CTNNA1: variants seen among roughly 807,000 people sequenced by gnomAD.
CTNNA1 encodes the protein catenin alpha-1.
A neutral mutation model predicts 98.4 loss-of-function variants in CTNNA1; 37 were observed. That is an observed-to-expected ratio of 0.38 (90% CI 0.29 to 0.49). The LOEUF is 0.49. Among genes scored for constraint, CTNNA1 ranks in the 20% least tolerant of loss-of-function variants. CTNNA1 has a pLI of 0.95. For synonymous variants in CTNNA1, 404 were observed against 413.2 expected, an observed-to-expected ratio of 0.98 and a Z score of 0.27; for missense variants, 761 against 1,147.2, an observed-to-expected ratio of 0.66 and a Z score of 4.86.
At chr5:138,802,401 T>C (rs983231691) in intron 3 of CTNNA1, among the ~76,000 whole-genome samples, 25 of 152,294 alleles carry the variant, frequency 1.6e-4, no homozygotes, top group Non-Finnish European at 3.2e-4. Flanking sequence ...AGGAAACTCC[T>C]GGGCTCAATC....
intron 3 of CTNNA1, among the ~76,000 whole-genome samples, chr5:138,786,933 T>C (rs1342402082): frequency 6.6e-6 from 1 of 152,236 alleles, no homozygotes; most frequent in Non-Finnish European, 1.5e-5. Context: ...CTGGCTTCAG[T>C]GGTCCTGAGC....
intron 9 of CTNNA1, among the ~76,000 whole-genome samples, chr5:138,888,343 A>G (rs944451743): frequency 1.1e-4 from 17 of 152,166 alleles, no homozygotes; most frequent in Admixed American, 4.6e-4. Flanking sequence ...TTATTGCTGT[A>G]TTTTGGAAAT....
chr5:138,782,518 ATTG>A, intron 2 of CTNNA1: 1 of 267,796 alleles, frequency 3.7e-6, no homozygotes, highest in Non-Finnish European at 7.5e-6. Context: ...TAGTATGTCT[ATTG>A]TTTGTATGTG....
At chr5:138,809,318 C>T (rs1758430914) in intron 3 of CTNNA1, among the ~76,000 whole-genome samples, 1 of 152,120 alleles carries the variant, frequency 6.6e-6, no homozygotes, top group Non-Finnish European at 1.5e-5. Context: ...GTGTGTAACC[C>T]AATGATAACT....
chr5:138,845,992 T>C lies in CTNNA1; in HGVS notation c.1062+18274T>C, dbSNP rs536596795. On this transcript the variant is annotated intron_variant, in intron 7 of 17. Coordinates refer to ENST00000302763, the MANE Select transcript of CTNNA1 (RefSeq NM_001903.5). ...CCCAGGCTGGAGTGAAGTGGCGCGA[T>C]CACGGCTCACTGCAACCTCCGCCCC... 1.3e-4 allele frequency among the ~76,000 whole-genome samples: 20 copies of C among 152,232 alleles called. 1 individual carries two copies.
chr5:138,813,511 G>C (rs1268449426), intron 5 of CTNNA1, among the ~76,000 whole-genome samples: 1 of 152,236 alleles, frequency 6.6e-6, no homozygotes, highest in African/African-American at 2.4e-5. Context: ...AGGTCTGACA[G>C]GTAGTAGAAA....
chr5:138,926,005 C>G, intron 13 of CTNNA1, among the ~76,000 whole-genome samples: 1 of 152,188 alleles, frequency 6.6e-6, no homozygotes, highest in African/African-American at 2.4e-5. Context: ...GACAACTATT[C>G]CTGTCTTCAT....
At chr5:138,931,962 A>C in intron 16 of CTNNA1, 2 of 985,390 alleles carry the variant, frequency 2.0e-6, no homozygotes, top group African/African-American at 3.5e-5. Context: ...GGGAGCCTCT[A>C]AAACTCTGAG....
chr5:138,925,407 GGTGA>G lies in CTNNA1; in HGVS notation c.1899+3_1899+6del, dbSNP rs1392801218. The G allele has an allele frequency of 6.2e-7, 1 of 1,613,476 alleles. No individual in the cohort carries two copies. The highest frequency in any genetic ancestry group is 1.1e-5 in the South Asian group (1 of 90,960). On this transcript the variant is annotated splice_donor_variant and splice_donor_region_variant and intron_variant, in intron 13 of 17. Coordinates refer to ENST00000302763, the MANE Select transcript of CTNNA1 (RefSeq NM_001903.5). LOFTEE classifies it high-confidence loss of function. ...TCAGGAAAGCAGTGCTGATGATAAG[GGTGA>G]GTAACTGCATTTCAGACGTCTTAAC...
intron 3 of CTNNA1, among the ~76,000 whole-genome samples, chr5:138,784,668 A>G (rs770716137): frequency 9.2e-5 from 14 of 152,202 alleles, no homozygotes; most frequent in Non-Finnish European, 1.5e-4. Flanking sequence ...TTATTCTCTC[A>G]TCATTCTGAA....
intron 1 of CTNNA1, among the ~76,000 whole-genome samples, chr5:138,762,419 A>G (rs1366368192): frequency 6.6e-6 from 1 of 152,136 alleles, no homozygotes; most frequent in Non-Finnish European, 1.5e-5. Flanking sequence ...AAAGAACCAC[A>G]CTTCAAAAAT....
chr5:138,865,965 CAA>C (rs1017174771), intron 7 of CTNNA1, among the ~76,000 whole-genome samples: 1 of 152,138 alleles, frequency 6.6e-6, no homozygotes, highest in Non-Finnish European at 1.5e-5. Flanking sequence ...TTGTTCATCA[CAA>C]GAGGAAATTT....
At chr5:138,924,476 T>A (rs28363471) in intron 11 of CTNNA1, 34 bp from the exon 12 acceptor site, 1 of 1,609,582 alleles carries the variant, frequency 6.2e-7, no homozygotes, top group Admixed American at 1.7e-5. Context: ...ATAGAAAGCC[T>A]CCTTCCTCAT....
intron 1 of CTNNA1, among the ~76,000 whole-genome samples, chr5:138,758,524 A>G (rs111371712): frequency 0.023 from 3,480 of 152,098 alleles, 134 homozygotes; most frequent in African/African-American, 0.081. Context: ...CTACAGGCAC[A>G]TGCCACCACG....
At chr5:138,837,311 AG>A (rs1410677063) in intron 7 of CTNNA1, among the ~76,000 whole-genome samples, 1 of 152,168 alleles carries the variant, frequency 6.6e-6, no homozygotes, top group African/African-American at 2.4e-5. Flanking sequence ...CATGTGGTCT[AG>A]GGGTTGACAA....
At chr5:138,830,831 A>G (rs936417807) in intron 7 of CTNNA1, among the ~76,000 whole-genome samples, 1 of 152,232 alleles carries the variant, frequency 6.6e-6, no homozygotes, top group Non-Finnish European at 1.5e-5. Context: ...GTGTCATCAT[A>G]GGTACAGCCA....
chr5:138,782,624 T>C (rs752326010), intron 2 of CTNNA1, among the ~76,000 whole-genome samples: 3 of 152,216 alleles, frequency 2.0e-5, no homozygotes, highest in Non-Finnish European at 2.9e-5. Flanking sequence ...GATAATCTGG[T>C]ATTATGTGTA....
Position 138,934,095 on chromosome 5 carries a change from C to A in CTNNA1, c.*6C>A. 6.2e-7 allele frequency: 1 copy of A among 1,604,516 alleles called. No homozygotes were observed. Among genetic ancestry groups the A allele is most frequent in the Non-Finnish European group, 8.5e-7 (1 of 1,175,570 alleles). ...AAGCTATGGACAGCATCTAAGTCTG[C>A]CCAGGCCGGCCGCCCCCACCCCTCG... On this transcript the variant is annotated 3_prime_UTR_variant, in exon 18 of 18. Coordinates refer to ENST00000302763, the MANE Select transcript of CTNNA1 (RefSeq NM_001903.5).
chr5:138,894,504 C>T (rs1002125443), intron 9 of CTNNA1, among the ~76,000 whole-genome samples: 2 of 151,830 alleles, frequency 1.3e-5, no homozygotes, highest in Non-Finnish European at 2.9e-5. Context: ...TGTTCTCAAA[C>T]TCAAGTGATC....
Sources: gnomAD v4.1 joint callset for allele counts (sites outside exome capture counted in the v4.1 genomes callset) on GRCh38, gnomAD v4.1.1 for gene constraint, MANE v1.5 for transcripts, NCBI Gene and HGNC (gene_info 2026-07-23, HGNC 2026-07-21) for gene names.